The following MBNL1 variants were observed in gnomAD, a reference collection of about 807,000 sequenced individuals.
MBNL1 encodes the protein muscleblind-like protein 1.
Under a neutral mutation model 42.2 loss-of-function variants are expected in MBNL1, and 8 were observed. The observed-to-expected ratio is 0.19, with a 90% CI of 0.11 to 0.34. The LOEUF is 0.34. Among genes scored for constraint, MBNL1 ranks in the 10% least tolerant of loss-of-function variants. The pLI is 1.00. For synonymous variants in MBNL1, 169 were observed against 173.9 expected (o/e 0.97, Z 0.22); for missense variants, 309 against 495.3 (o/e 0.62, Z 3.57).
chr3:152,408,712 A>G (rs980843877), intron 2 of MBNL1, among the ~76,000 whole-genome samples: 3 of 151,636 alleles, frequency 2.0e-5, no homozygotes, highest in Admixed American at 6.6e-5. Context: ...ACTAAATTCC[A>G]TGAGGTGTAA....
chr3:152,353,941 G>A (rs560199775), intron 2 of MBNL1, among the ~76,000 whole-genome samples: 6 of 152,034 alleles, frequency 3.9e-5, no homozygotes, highest in Non-Finnish European at 7.4e-5. Context: ...AGAAAATTAG[G>A]ACCTAATCCC....
rs377160124 is a variant in MBNL1 at position 152,283,349 on chromosome 3, CA to C, written c.-790+14261del. Reference sequence around the variant, plus strand: ...TGTGATATATACCCCATCAAGCTTACAAAAGTAAAGTGCACATCAGATAGGA... The same window carrying C: ...TGTGATATATACCCCATCAAGCTTACAAAGTAAAGTGCACATCAGATAGGA... On this transcript the variant is annotated intron_variant, in intron 1 of 9. Coordinates refer to ENST00000324210, the MANE Select transcript of MBNL1 (RefSeq NM_021038.5). 4.6e-4 allele frequency among the ~76,000 whole-genome samples: 70 copies of C among 152,220 alleles called. No homozygotes were observed. The East Asian group carries it at 0.012, about 27-fold the overall frequency.
At chr3:152,277,709 A>G (rs561896236) in intron 1 of MBNL1, among the ~76,000 whole-genome samples, 4 of 152,138 alleles carry the variant, frequency 2.6e-5, no homozygotes, top group Non-Finnish European at 5.9e-5. Flanking sequence ...TTTTACAAAT[A>G]AATGGTTTAA....
At chr3:152,281,280 C>T (rs2048330579) in intron 1 of MBNL1, among the ~76,000 whole-genome samples, 1 of 151,902 alleles carries the variant, frequency 6.6e-6, no homozygotes, top group Admixed American at 6.6e-5. Context: ...AGATCTCAAC[C>T]CAGGAGTTTT....
At chr3:152,319,219 C>A (rs1406000311) in intron 2 of MBNL1, among the ~76,000 whole-genome samples, 1 of 152,104 alleles carries the variant, frequency 6.6e-6, no homozygotes, top group Non-Finnish European at 1.5e-5. Flanking sequence ...TAAAAGATTG[C>A]TTGTGCAGTG....
chr3:152,322,497 A>G (rs1236417860), intron 2 of MBNL1, among the ~76,000 whole-genome samples: 1 of 152,086 alleles, frequency 6.6e-6, no homozygotes, highest in African/African-American at 2.4e-5. Context: ...AGAACACTAA[A>G]ATCATTTAAC....
chr3:152,340,565 C>T lies in MBNL1; in HGVS notation c.174+40198C>T, dbSNP rs529405460. 3.3e-5 allele frequency: 54 copies of T among 1,613,146 alleles called. No individual in the cohort carries two copies. In the Admixed American group the frequency reaches 7.3e-4, roughly 22 times the overall value. On this transcript the variant is annotated intron_variant, in intron 2 of 9. Coordinates refer to ENST00000324210, the MANE Select transcript of MBNL1 (RefSeq NM_021038.5). ...AGTCCAAGCTGAGACATAGCTACAA[C>T]TGACAGGATCTGTTCACCATACATA...
chr3:152,337,492 C>T (rs1208756216), intron 2 of MBNL1, among the ~76,000 whole-genome samples: 1 of 152,048 alleles, frequency 6.6e-6, no homozygotes, highest in Non-Finnish European at 1.5e-5. Flanking sequence ...GTTGTGCACG[C>T]CTGTAGTCCC....
At chr3:152,432,964 C>T (rs745851524) in intron 4 of MBNL1, 44 bp downstream of exon 4, 24 of 1,530,096 alleles carry the variant, frequency 1.6e-5, no homozygotes, top group Middle Eastern at 1.7e-4. Flanking sequence ...CATTCTAATT[C>T]TCAAAGTGTG....
intron 2 of MBNL1, among the ~76,000 whole-genome samples, chr3:152,326,707 G>A (rs2080411762): frequency 6.6e-6 from 1 of 151,658 alleles, no homozygotes; most frequent in African/African-American, 2.4e-5. Flanking sequence ...TCTAACATAA[G>A]ATCTAAATAA....
At position 152,409,295 on chromosome 3, in the gene MBNL1, G is replaced by A. The variant is rs547306440; in HGVS notation, c.175-5646G>A. ...ATTTTTAAATAAATATTTTATATAC[G>A]TGTATGTGTTTGTGTGTGTGTGTTT... On this transcript the variant is annotated intron_variant, in intron 2 of 9. Transcript: ENST00000324210. Among the ~76,000 whole-genome samples, 284 of 151,794 alleles carry A rather than the reference G, an allele frequency of 1.9e-3. 1 individual carries two copies. The highest frequency in any genetic ancestry group is 6.7e-3 in the African/African-American group (276 of 41,354).
intron 2 of MBNL1, among the ~76,000 whole-genome samples, chr3:152,248,501 T>G (rs770708718): frequency 2.0e-5 from 3 of 152,062 alleles, no homozygotes; most frequent in Non-Finnish European, 4.4e-5. Context: ...TATATTTTTC[T>G]ATGGTCATAA....
chr3:152,289,327 A>T (rs1351045184), intron 1 of MBNL1, among the ~76,000 whole-genome samples: 4 of 152,262 alleles, frequency 2.6e-5, no homozygotes, highest in African/African-American at 7.2e-5. Context: ...TAGAAAGATC[A>T]TTAATATATT....
intron 2 of MBNL1, among the ~76,000 whole-genome samples, chr3:152,358,782 AT>A (rs953039806): frequency 6.6e-6 from 1 of 150,662 alleles, no homozygotes; most frequent in African/African-American, 2.5e-5. Flanking sequence ...TATTATTATT[AT>A]TATTTTAATA....
intron 1 of MBNL1, among the ~76,000 whole-genome samples, chr3:152,275,338 G>C (rs2044337295): frequency 6.6e-6 from 1 of 152,134 alleles, no homozygotes; most frequent in African/African-American, 2.4e-5. Context: ...CTGTTTACCA[G>C]ATCTTGGTTT....
chr3:152,412,272 C>CT (rs2098598415), intron 2 of MBNL1, among the ~76,000 whole-genome samples: 1 of 148,366 alleles, frequency 6.7e-6, no homozygotes, highest in Middle Eastern at 3.6e-3. Context: ...ACATTATTCT[C>CT]TTATTTTTTC....
At chr3:152,451,799 GTGCTTTGCCTA>G in intron 6 of MBNL1, among the ~76,000 whole-genome samples, 1 of 152,180 alleles carries the variant, frequency 6.6e-6, no homozygotes, top group Non-Finnish European at 1.5e-5. Context: ...GCTGCACTGA[GTGCTTTGCCTA>G]CATTATCTCA....
In MBNL1 at chr3:152,288,461, G is replaced by A. The variant is rs139940596; in HGVS notation, c.-789-10944G>A. Among the ~76,000 whole-genome samples, 973 of 152,182 alleles carry A rather than the reference G, an allele frequency of 6.4e-3. 9 individuals carry two copies. Among genetic ancestry groups the A allele is most frequent in the African/African-American group, 0.022 (930 of 41,500 alleles). On this transcript the variant is annotated intron_variant, in intron 1 of 9. Transcript: ENST00000324210. ...CCAGAGTTCTCTTGTACCTTAGCTA[G>A]TTTGATAATGCTTTGCATTATGTAT... is the stretch of plus-strand genomic sequence containing the variant.
At chr3:152,377,888 G>A (rs752924309) in intron 2 of MBNL1, among the ~76,000 whole-genome samples, 8 of 152,124 alleles carry the variant, frequency 5.3e-5, no homozygotes, top group Non-Finnish European at 1.0e-4. Flanking sequence ...GACATGAAAT[G>A]GAGTATAACA....
Sources: allele counts gnomAD v4.1 joint callset (sites outside exome capture counted in the v4.1 genomes callset), GRCh38; gene constraint gnomAD v4.1.1; transcripts MANE v1.5; gene names NCBI Gene and HGNC (gene_info 2026-07-23, HGNC 2026-07-21).